The following HIVEP3 variants were observed in gnomAD, a reference collection of about 807,000 sequenced individuals.
HIVEP3 encodes the protein HIVEP zinc finger 3, also known as transcription factor HIVEP3.
Under a neutral mutation model 152.8 loss-of-function variants are expected in HIVEP3, and 49 were observed. The ratio of observed to expected loss-of-function variants is 0.32; its 90% CI spans 0.26 to 0.41. The LOEUF is 0.41. Ranked by LOEUF, HIVEP3 falls within the 10% of genes least tolerant of loss-of-function variation. The pLI, the probability that HIVEP3 is intolerant of heterozygous loss-of-function variation, is 1.00. For missense variants in HIVEP3, 2,790 were observed against 3,103.3 expected, an observed-to-expected ratio of 0.90 and a Z score of 2.40; for synonymous variants, 1,269 against 1,289.0, an observed-to-expected ratio of 0.98 and a Z score of 0.33.
At chr1:41,660,185 G>T (rs921624867) in intron 2 of HIVEP3, among the ~76,000 whole-genome samples, 2 of 152,138 alleles carry the variant, frequency 1.3e-5, no homozygotes, top group Non-Finnish European at 2.9e-5. Context: ...GTGCACACAC[G>T]TGTGTATGTG....
intron 1 of HIVEP3, among the ~76,000 whole-genome samples, chr1:41,973,399 G>C (rs1020836856): frequency 6.6e-6 from 1 of 152,208 alleles, no homozygotes; most frequent in Non-Finnish European, 1.5e-5. Context: ...GATTGAGGTA[G>C]GATCTGCTTC....
At chr1:41,909,521 C>T (rs946384573) in intron 1 of HIVEP3, among the ~76,000 whole-genome samples, 22 of 151,924 alleles carry the variant, frequency 1.4e-4, no homozygotes, top group South Asian at 2.1e-4. Flanking sequence ...GAAAAATCTA[C>T]GATCATAGTG....
rs1458255135 is a variant in HIVEP3 at position 41,511,378 on chromosome 1, G to A, written c.6406-112C>T. On this transcript the variant is annotated intron_variant, in intron 8 of 8. Coordinates refer to ENST00000372583, the MANE Select transcript of HIVEP3 (RefSeq NM_024503.5). The surrounding 1 kb of genome is among the most constrained non-coding windows in gnomAD (Gnocchi z 4.9). Reference sequence around the variant, plus strand: ...GCCCAAGATCACAGAGCGAGTCCAGGGTCCCGGCTGAGCTGAGCCCAGAAC... The same window carrying A: ...GCCCAAGATCACAGAGCGAGTCCAGAGTCCCGGCTGAGCTGAGCCCAGAAC... 5 of 1,003,248 alleles carry A rather than the reference G, an allele frequency of 5.0e-6. No homozygotes were observed. The highest frequency in any genetic ancestry group is 2.8e-6 in the Non-Finnish European group (2 of 702,090). 62.1% of individuals were successfully genotyped at this position (1,003,248 alleles called of 1,614,324 possible).
At chr1:41,592,597 G>GCC (rs1307296778) in intron 3 of HIVEP3, among the ~76,000 whole-genome samples, 1 of 152,190 alleles carries the variant, frequency 6.6e-6, no homozygotes, top group African/African-American at 2.4e-5. Flanking sequence ...GGGACTGACT[G>GCC]AGAGGTGGAC....
intron 1 of HIVEP3, among the ~76,000 whole-genome samples, chr1:41,720,739 T>C (rs1341510233): frequency 6.6e-6 from 1 of 152,214 alleles, no homozygotes; most frequent in Non-Finnish European, 1.5e-5. Context: ...CAAAGAGATA[T>C]TTGCACTCTT....
intron 5 of HIVEP3, among the ~76,000 whole-genome samples, chr1:41,527,417 C>G (rs565885454): frequency 6.9e-6 from 1 of 145,318 alleles, no homozygotes; most frequent in Non-Finnish European, 1.5e-5. Context: ...CTCACACTCA[C>G]CTTCACTCAC....
At position 41,583,913 on chromosome 1, in the gene HIVEP3, A is replaced by C; in HGVS notation, c.885T>G (p.Pro295=). 1 of 1,614,100 alleles carries C rather than the reference A, an allele frequency of 6.2e-7. No homozygotes were observed. The highest frequency in any genetic ancestry group is 8.5e-7 in the Non-Finnish European group (1 of 1,179,996). ...EEETSATSGH[P]AELSPRPKQP... ...GCTTGGGTCTTGGGGAGAGCTCTGCAGGGTGACCAGAGGTGGCACTAGTCT... is the reference window on the plus strand; with the variant it reads ...GCTTGGGTCTTGGGGAGAGCTCTGCCGGGTGACCAGAGGTGGCACTAGTCT... The change falls in exon 4 of 9, where the codon CCT becomes CCG. Residue 295 remains proline, a synonymous_variant. Coordinates refer to ENST00000372583, the MANE Select transcript of HIVEP3 (RefSeq NM_024503.5). This position sits in a 1 kb window ranked among gnomAD's most constrained non-coding sequence, Gnocchi z 6.9.
In HIVEP3 at chr1:41,813,306, C is replaced by A. The variant is rs989172351; in HGVS notation, c.-801+105107G>T. ...CTTGCCATTTGGCCCACAGCCTCCA[C>A]CAGCAGGAGCAACACTAGGCGCCAA... On this transcript the variant is annotated intron_variant, in intron 1 of 8. Coordinates refer to ENST00000372583, the MANE Select transcript of HIVEP3 (RefSeq NM_024503.5). 8.5e-5 allele frequency among the ~76,000 whole-genome samples: 13 copies of A among 152,184 alleles called. No homozygotes were observed. In the South Asian group the frequency reaches 1.9e-3, roughly 22 times the overall value.
At chr1:41,960,204 G>C (rs928874055) in intron 1 of HIVEP3, among the ~76,000 whole-genome samples, 3 of 152,262 alleles carry the variant, frequency 2.0e-5, no homozygotes, top group East Asian at 3.9e-4. Flanking sequence ...ATCTAGAAAG[G>C]GTAGCAGACA....
intron 2 of HIVEP3, among the ~76,000 whole-genome samples, chr1:41,654,147 G>A (rs1231507783): frequency 2.6e-5 from 4 of 152,148 alleles, no homozygotes; most frequent in Non-Finnish European, 5.9e-5. Flanking sequence ...ATAGCATCAA[G>A]TGAAATTGAG....
upstream of HIVEP3, among the ~76,000 whole-genome samples, chr1:41,919,748 G>A (rs1343142306): frequency 3.3e-5 from 5 of 152,144 alleles, no homozygotes; most frequent in African/African-American, 1.2e-4. Context: ...ATTATTCTTC[G>A]AGTACTTCAG....
intron 2 of HIVEP3, among the ~76,000 whole-genome samples, chr1:41,668,615 G>A (rs1409529259): frequency 2.0e-5 from 3 of 152,146 alleles, no homozygotes; most frequent in Admixed American, 1.3e-4. Context: ...CTTCTACCTG[G>A]CATGCCCTTC....
At chr1:41,578,777 T>C (rs1032523105) in intron 4 of HIVEP3, among the ~76,000 whole-genome samples, 1 of 152,256 alleles carries the variant, frequency 6.6e-6, no homozygotes, top group Non-Finnish European at 1.5e-5. Flanking sequence ...TCTCAGACTC[T>C]GACCCTCAGT....
At chr1:41,696,133 A>T (rs1246524879) in intron 2 of HIVEP3, among the ~76,000 whole-genome samples, 1 of 152,274 alleles carries the variant, frequency 6.6e-6, no homozygotes, top group Non-Finnish European at 1.5e-5. Flanking sequence ...AATGTGAGGC[A>T]TGAGGGTGAG....
intron 1 of HIVEP3, among the ~76,000 whole-genome samples, chr1:42,027,787 A>C (rs942021961): frequency 2.0e-5 from 3 of 152,172 alleles, no homozygotes; most frequent in Non-Finnish European, 4.4e-5. Flanking sequence ...GCAAGAGAAA[A>C]ATGAGGAAGA....
chr1:41,650,637 A>G (rs1032316794), intron 2 of HIVEP3, among the ~76,000 whole-genome samples: 3 of 150,546 alleles, frequency 2.0e-5, no homozygotes, highest in Admixed American at 6.6e-5. Flanking sequence ...CTCAAAGCCT[A>G]TTTCCCAGAT....
rs887833226 is a variant in HIVEP3 at position 41,932,602 on chromosome 1, G to T, written n.120-14078C>A. On this transcript the variant is annotated intron_variant and non_coding_transcript_variant, in intron 1 of 3. Transcript: ENST00000489103. ...GTCTGCCTAGAAGTTCACTAATTTT[G>T]CTGATCTTTCAAAGAACCAGCTTTT... 3.3e-5 allele frequency among the ~76,000 whole-genome samples: 5 copies of T among 151,710 alleles called. No individual in the cohort carries two copies. The South Asian group carries it at 1.0e-3, about 32-fold the overall frequency.
intron 1 of HIVEP3, among the ~76,000 whole-genome samples, chr1:41,878,017 C>T (rs1644198365): frequency 2.0e-5 from 3 of 152,120 alleles, no homozygotes; most frequent in African/African-American, 7.2e-5. Context: ...GAAACAGGAC[C>T]AGATTCAGAA....
chr1:41,748,993 G>A (rs1647114192), intron 1 of HIVEP3, among the ~76,000 whole-genome samples: 1 of 152,096 alleles, frequency 6.6e-6, no homozygotes, highest in African/African-American at 2.4e-5. Context: ...CCACAAATGA[G>A]GGCTGCTTGC....
Sources: gnomAD v4.1 joint callset for allele counts (sites outside exome capture counted in the v4.1 genomes callset) on GRCh38, gnomAD v4.1.1 for gene constraint, Gnocchi (gnomAD v3.1) non-coding constraint, MANE v1.5 for transcripts, NCBI Gene and HGNC (gene_info 2026-07-23, HGNC 2026-07-21) for gene names.